Variants in SAXO4 observed in about 807,000 individuals in gnomAD.
SAXO4 encodes stabilizer of axonemal microtubules 4.
At chr11:61,484,598 G>C in the SAXO4 span, 5 of 1,530,170 alleles carry the variant, frequency 3.3e-6, no homozygotes, top group Non-Finnish European at 4.4e-6. Flanking sequence ...CTGCTCTGCA[G>C]ATACTGCGCT....
At chr11:61,485,529 T>G in the SAXO4 span, 3 of 883,738 alleles carry the variant, frequency 3.4e-6, no homozygotes, top group Non-Finnish European at 5.2e-6. Flanking sequence ...GATGCACAGG[T>G]GGCTGGAGGG....
the SAXO4 span, chr11:61,481,682 G>A: frequency 1.9e-6 from 1 of 539,740 alleles, no homozygotes; most frequent in Admixed American, 4.2e-5. Flanking sequence ...CCTGGGAGAA[G>A]GGGCCAGCTG....
the SAXO4 span, chr11:61,489,657 A>G: frequency 1.0e-6 from 1 of 972,230 alleles, no homozygotes; most frequent in Non-Finnish European, 1.6e-6. Flanking sequence ...AGGGAGAGCT[A>G]GACGAGGACA....
chr11:61,490,384 C>T, the SAXO4 span: 1 of 892,346 alleles, frequency 1.1e-6, no homozygotes, highest in Non-Finnish European at 1.9e-6. Context: ...TGTGGCTTGG[C>T]TGCCCTGGCT....
the SAXO4 span, chr11:61,486,203 C>G: frequency 7.1e-6 from 6 of 847,922 alleles, no homozygotes; most frequent in East Asian, 5.3e-5. Context: ...CCAAACACTT[C>G]CCTTTTCTCA....
At chr11:61,481,984 G>T in the SAXO4 span, 3 of 1,118,788 alleles carry the variant, frequency 2.7e-6, no homozygotes, top group African/African-American at 3.1e-5. Flanking sequence ...CTCTCTCTGA[G>T]GGAGGAGCAG....
At chr11:61,489,013 G>A in the SAXO4 span, 1 of 152,536 alleles carries the variant, frequency 6.6e-6, no homozygotes, top group African/African-American at 2.4e-5. Flanking sequence ...TCCTGGAGGA[G>A]CAACAGAGAG....
chr11:61,481,706 G>C, the SAXO4 span: 2 of 564,848 alleles, frequency 3.5e-6, no homozygotes, highest in Non-Finnish European at 2.9e-6. Flanking sequence ...TGTGGGTGGT[G>C]GGGGGCAGAT....
chr11:61,482,436 C>T, the SAXO4 span: 1 of 1,608,854 alleles, frequency 6.2e-7, no homozygotes, highest in Non-Finnish European at 8.5e-7. Flanking sequence ...GGGGTACGGT[C>T]TGTATGGCCC....
the SAXO4 span, chr11:61,486,970 C>T: frequency 1.2e-6 from 2 of 1,614,110 alleles, no homozygotes; most frequent in Non-Finnish European, 1.7e-6. Context: ...TGCCCAGAAC[C>T]CAGCAGCGTG....
the SAXO4 span, chr11:61,489,962 G>T: frequency 1.9e-6 from 3 of 1,600,384 alleles, no homozygotes; most frequent in Non-Finnish European, 2.6e-6. Context: ...ACCACCCCCA[G>T]CTCTGTTCTT....
chr11:61,482,730 T>C, the SAXO4 span: 10 of 1,613,638 alleles, frequency 6.2e-6, no homozygotes, highest in Middle Eastern at 1.6e-4. Flanking sequence ...ACGGCAAGCA[T>C]CCCCTGCCCT....
the SAXO4 span, chr11:61,482,274 G>T: frequency 1.3e-6 from 2 of 1,593,852 alleles, no homozygotes; most frequent in Non-Finnish European, 1.7e-6. Flanking sequence ...GCCTGTTTTT[G>T]ACCTTGGGGT....
At chr11:61,490,081 G>A in the SAXO4 span, 22 of 884,548 alleles carry the variant, frequency 2.5e-5, no homozygotes, top group African/African-American at 3.0e-4. Flanking sequence ...GGCTGGCTCT[G>A]GTGTCCCTTC....
the SAXO4 span, chr11:61,484,593 C>G: frequency 9.3e-6 from 14 of 1,505,852 alleles, no homozygotes; most frequent in African/African-American, 5.6e-5. Flanking sequence ...TCTGGCTGCT[C>G]TGCAGATACT....
the SAXO4 span, chr11:61,487,147 A>G: frequency 6.2e-7 from 1 of 1,613,824 alleles, no homozygotes; most frequent in Non-Finnish European, 8.5e-7. Flanking sequence ...CTTGTGCAGG[A>G]GCCCACAGGG....
chr11:61,482,379 G>A, the SAXO4 span: 13 of 1,614,178 alleles, frequency 8.1e-6, no homozygotes, highest in East Asian at 2.2e-5. Flanking sequence ...TTTCCAGCCC[G>A]TGGTCTCATG....
At chr11:61,483,634 C>G in the SAXO4 span, among the ~76,000 whole-genome samples, 1 of 151,904 alleles carries the variant, frequency 6.6e-6, no homozygotes, top group Non-Finnish European at 1.5e-5. Context: ...TTAGGAAATA[C>G]AACAGGGAGA....
At chr11:61,484,672 C>A in the SAXO4 span, 1 of 1,612,708 alleles carries the variant, frequency 6.2e-7, no homozygotes, top group Admixed American at 1.7e-5. Flanking sequence ...TTGTAATTGG[C>A]CCTTCTTCCT....
Sources: gnomAD v4.1 joint callset for allele counts (sites outside exome capture counted in the v4.1 genomes callset) on GRCh38, gnomAD v4.1.1 for gene constraint, MANE v1.5 for transcripts, NCBI Gene and HGNC (gene_info 2026-07-23, HGNC 2026-07-21) for gene names.